Variants in TAF10 observed in about 807,000 individuals in gnomAD.
TAF10 encodes transcription initiation factor TFIID subunit 10.
A neutral mutation model predicts 18.1 loss-of-function variants in TAF10; 2 were observed. The observed-to-expected ratio is 0.11, with a 90% CI of 0.05 to 0.35. The LOEUF (loss-of-function observed/expected upper bound fraction) is 0.35. Ranked by LOEUF, TAF10 falls within the 10% of genes least tolerant of loss-of-function variation. The pLI is 1.00. For synonymous variants in TAF10, 158 were observed against 134.6 expected (o/e 1.17, Z -1.20); for missense variants, 293 against 306.9 (o/e 0.95, Z 0.34).
rs537137677 is a variant in TAF10, at chr11:6,608,517, A to G, written c.*2405T>C. Reference sequence around the variant, plus strand: ...GAGTACTCAGCCCTTAATTCCTGAGATGGGTAGGAAGTAAAGTCTGAGCCT... The same window carrying G: ...GAGTACTCAGCCCTTAATTCCTGAGGTGGGTAGGAAGTAAAGTCTGAGCCT... On this transcript the variant is annotated 3_prime_UTR_variant, in exon 5 of 5. Transcript: ENST00000299424. This position sits in a 1 kb window ranked among gnomAD's most constrained non-coding sequence, Gnocchi z 4.9. 7 of 1,569,484 alleles carry G rather than the reference A, an allele frequency of 4.5e-6. No individual in the cohort carries two copies. In the South Asian group the frequency reaches 7.8e-5, roughly 17 times the overall value.
At position 6,611,237 on chromosome 11, in the gene TAF10, G is replaced by T; in HGVS notation, c.519C>A (p.His173Gln). ...CGGAGGCCGTGCCCTTCATTTTGCA[G>T]TGCTGTAGGGCATCATTGGCAATAT... is the stretch of plus-strand genomic sequence containing the variant. The part of the protein sequence containing the change: ...ISDIANDALQ[H>Q]CKMKGTASGS... Residue 173 changes from histidine to glutamine, a missense_variant, in exon 4 of 5, where the codon CAC becomes CAA. His to Gln is a conservative substitution (Grantham distance 24). Coordinates refer to ENST00000299424, the MANE Select transcript of TAF10 (RefSeq NM_006284.4). 6.2e-7 allele frequency: 1 copy of T among 1,614,132 alleles called. No individual in the cohort carries two copies. Among genetic ancestry groups the T allele is most frequent in the Non-Finnish European group, 8.5e-7 (1 of 1,180,040 alleles).
chr11:6,608,319 T>A lies in TAF10; in HGVS notation c.*2603A>T. The A allele has an allele frequency of 6.4e-7, 1 of 1,570,180 alleles. No individual in the cohort carries two copies. The highest frequency in any genetic ancestry group is 1.1e-5 in the South Asian group (1 of 90,214). ...ATGTGTGCTCTTCCCCCTTTTCCCATGCCCTGACACCAGTATCTCATTTGG... is the reference window on the plus strand; with the variant it reads ...ATGTGTGCTCTTCCCCCTTTTCCCAAGCCCTGACACCAGTATCTCATTTGG... On this transcript the variant is annotated 3_prime_UTR_variant, in exon 5 of 5. Transcript: ENST00000299424. This position sits in a 1 kb window ranked among gnomAD's most constrained non-coding sequence, Gnocchi z 4.9.
chr11:6,612,097 G>A lies in TAF10; in HGVS notation c.93C>T (p.Ala31=). Reference sequence around the variant, plus strand: ...CCGCGGCGGTGCTGGAGGGCAGCGCGGCGGGAGCCGAGACCGGGGGCGCGG... The same window carrying A: ...CCGCGGCGGTGCTGGAGGGCAGCGCAGCGGGAGCCGAGACCGGGGGCGCGG... ...PGPAPPVSAP[A]ALPSSTAAEN... Residue 31 remains alanine, a synonymous_variant, in exon 1 of 5, where the codon GCC becomes GCT. Coordinates refer to ENST00000299424, the MANE Select transcript of TAF10 (RefSeq NM_006284.4). 1 of 1,227,858 alleles carries A rather than the reference G, an allele frequency of 8.1e-7. No individual in the cohort carries two copies. 76.1% of individuals were successfully genotyped at this position (1,227,858 alleles called of 1,614,324 possible).
In TAF10 at chr11:6,609,958, G is replaced by A. The variant is rs566678782; in HGVS notation, c.*964C>T. 13 of 1,614,126 alleles carry A rather than the reference G, an allele frequency of 8.1e-6. No homozygotes were observed. Among genetic ancestry groups the A allele is most frequent in the South Asian group, 4.4e-5 (4 of 91,084 alleles). ...CAGATTGATGAGGACATGACTGCCCGAATTAGCATGGCTGATGTCAAGTTC... is the reference window on the plus strand; with the variant it reads ...CAGATTGATGAGGACATGACTGCCCAAATTAGCATGGCTGATGTCAAGTTC... On this transcript the variant is annotated 3_prime_UTR_variant, in exon 5 of 5. Transcript: ENST00000299424.
Position 6,611,787 on chromosome 11 carries a change from C to G in TAF10, c.264G>C (p.Pro88=), listed in dbSNP as rs778360955. The G allele has an allele frequency of 8.7e-6, 14 of 1,600,074 alleles. No individual in the cohort carries two copies. Among genetic ancestry groups the G allele is most frequent in the African/African-American group, 1.3e-5 (1 of 74,758 alleles). The part of the protein sequence containing the change: ...APVSAGGAAP[P]EGAISNGVYV... Reference sequence around the variant, plus strand: ...AAACCCCGTTAGATATGGCCCCCTCCGGGGGCGCCGCGCCACCCGCCGACA... The same window carrying G: ...AAACCCCGTTAGATATGGCCCCCTCGGGGGGCGCCGCGCCACCCGCCGACA... Residue 88 remains proline (P), a synonymous_variant, in exon 2 of 5, where the codon CCG becomes CCC. Coordinates refer to ENST00000299424, the MANE Select transcript of TAF10 (RefSeq NM_006284.4).
chr11:6,611,513 G>A, intron 2 of TAF10, 61 bp from the exon 3 acceptor site: 1 of 1,604,402 alleles, frequency 6.2e-7, no homozygotes, highest in Non-Finnish European at 8.5e-7. Flanking sequence ...AAATGGATAG[G>A]CCTGATTATC....
rs1051899332 is a variant in TAF10, at chr11:6,610,426, C to T, written c.*496G>A. Reference sequence around the variant, plus strand: ...GTGGCTTCTCTCTACATGACAGACTCAAATTGTGAGGCTGCTTTTTTTCTT... The same window carrying T: ...GTGGCTTCTCTCTACATGACAGACTTAAATTGTGAGGCTGCTTTTTTTCTT... On this transcript the variant is annotated 3_prime_UTR_variant, in exon 5 of 5. Coordinates refer to ENST00000299424, the MANE Select transcript of TAF10 (RefSeq NM_006284.4). 1.2e-6 allele frequency: 2 copies of T among 1,613,992 alleles called. No homozygotes were observed. Among genetic ancestry groups the T allele is most frequent in the Admixed American group, 1.7e-5 (1 of 60,010 alleles).
At position 6,608,652 on chromosome 11, in the gene TAF10, G is replaced by A. The variant is rs146038984; in HGVS notation, c.*2270C>T. The A allele has an allele frequency of 4.2e-3, 6,376 of 1,512,004 alleles. 22 individuals carry two copies. The highest frequency in any genetic ancestry group is 5.3e-3 in the Non-Finnish European group (5,752 of 1,086,620). 93.7% of individuals were successfully genotyped at this position (1,512,004 alleles called of 1,614,324 possible). A position where few individuals can be genotyped will look rare whatever the true frequency, so the allele number is the denominator to read the frequency against. ...CATGGTTGGTTCAGTGACTGCCAGC[G>A]AGGTAGCAGTGGCTCTCATCATAAT... On this transcript the variant is annotated 3_prime_UTR_variant, in exon 5 of 5. Coordinates refer to ENST00000299424, the MANE Select transcript of TAF10 (RefSeq NM_006284.4). The surrounding 1 kb of genome is among the most constrained non-coding windows in gnomAD (Gnocchi z 4.9).
At chr11:6,611,840 G>A (rs752106411) in intron 1 of TAF10, 22 bp from the exon 2 acceptor site, 1 of 1,599,362 alleles carries the variant, frequency 6.3e-7, no homozygotes, top group South Asian at 1.1e-5. Context: ...CCAGCAAAAT[G>A]AGACACAGAG....
At position 6,608,876 on chromosome 11, in the gene TAF10, T is replaced by G. The variant is rs1402942494; in HGVS notation, c.*2046A>C. The G allele has an allele frequency of 6.2e-7, 1 of 1,614,058 alleles. No individual in the cohort carries two copies. The highest frequency in any genetic ancestry group is 8.5e-7 in the Non-Finnish European group (1 of 1,180,002). ...TGTACCACAGCTTAGGTTGTTTTTC[T>G]TCCCTAGAGCGGGCAGAGAAGATGG... On this transcript the variant is annotated 3_prime_UTR_variant, in exon 5 of 5. Coordinates refer to ENST00000299424, the MANE Select transcript of TAF10 (RefSeq NM_006284.4). This position sits in a 1 kb window ranked among gnomAD's most constrained non-coding sequence, Gnocchi z 4.9.
At position 6,608,929 on chromosome 11, in the gene TAF10, A is replaced by T. The variant is rs754728057; in HGVS notation, c.*1993T>A. 1 of 1,614,218 alleles carries T rather than the reference A, an allele frequency of 6.2e-7. No homozygotes were observed. The highest frequency in any genetic ancestry group is 8.5e-7 in the Non-Finnish European group (1 of 1,180,040). ...CAGAATCTCAACCGTATTCCATACA[A>T]GGACACATTCTGGAAGGGGACCACC... On this transcript the variant is annotated 3_prime_UTR_variant, in exon 5 of 5. Coordinates refer to ENST00000299424, the MANE Select transcript of TAF10 (RefSeq NM_006284.4). The surrounding 1 kb of genome is among the most constrained non-coding windows in gnomAD (Gnocchi z 4.9).
At position 6,609,899 on chromosome 11, in the gene TAF10, A is replaced by G; in HGVS notation, c.*1023T>C. The G allele has an allele frequency of 1.9e-6, 3 of 1,614,172 alleles. No individual in the cohort carries two copies. Among genetic ancestry groups the G allele is most frequent in the Admixed American group, 1.7e-5 (1 of 60,030 alleles). ...GGCCCCAAAAGCCCTTTGCCTATCT[A>G]TGACTTACCTCCTTCTATCTGTTTT... On this transcript the variant is annotated 3_prime_UTR_variant, in exon 5 of 5. Transcript: ENST00000299424.
rs1855395542 is a variant in TAF10, at chr11:6,610,457, CGCAGGTGGCATTGG to C, written c.*451_*464del. ...GTGAGGCTGCTTTTTTTCTTGTATT[CGCAGGTGGCATTGG>C]AAGGCCTTCGGCCTACCATCCCACC... On this transcript the variant is annotated 3_prime_UTR_variant, in exon 5 of 5. Coordinates refer to ENST00000299424, the MANE Select transcript of TAF10 (RefSeq NM_006284.4). The C allele has an allele frequency of 6.2e-7, 1 of 1,614,032 alleles. No homozygotes were observed. Among genetic ancestry groups the C allele is most frequent in the South Asian group, 1.1e-5 (1 of 91,080 alleles).
In TAF10 at chr11:6,608,489, G is replaced by A; in HGVS notation, c.*2433C>T. 6.2e-7 allele frequency: 1 copy of A among 1,611,578 alleles called. No individual in the cohort carries two copies. The highest frequency in any genetic ancestry group is 8.5e-7 in the Non-Finnish European group (1 of 1,177,642). ...TTTGGGGCCAAGATCAAGTGGCAGA[G>A]GTGAGTACTCAGCCCTTAATTCCTG... On this transcript the variant is annotated 3_prime_UTR_variant, in exon 5 of 5. Transcript: ENST00000299424. This position sits in a 1 kb window ranked among gnomAD's most constrained non-coding sequence, Gnocchi z 4.9.
At position 6,610,469 on chromosome 11, in the gene TAF10, T is replaced by C. The variant is rs1244639583; in HGVS notation, c.*453A>G. On this transcript the variant is annotated 3_prime_UTR_variant, in exon 5 of 5. Transcript: ENST00000299424. Reference sequence around the variant, plus strand: ...TTTTTCTTGTATTCGCAGGTGGCATTGGAAGGCCTTCGGCCTACCATCCCA... The same window carrying C: ...TTTTTCTTGTATTCGCAGGTGGCATCGGAAGGCCTTCGGCCTACCATCCCA... The C allele has an allele frequency of 6.2e-7, 1 of 1,614,250 alleles. No homozygotes were observed. The highest frequency in any genetic ancestry group is 8.5e-7 in the Non-Finnish European group (1 of 1,180,044).
Position 6,610,092 on chromosome 11 carries a change from G to A in TAF10, c.*830C>T. ...AAGGACCACCTCAGAAGTAGTGGAAGGGGGCAGAGACAGGACAGGCAAGGG... is the reference window on the plus strand; with the variant it reads ...AAGGACCACCTCAGAAGTAGTGGAAAGGGGCAGAGACAGGACAGGCAAGGG... On this transcript the variant is annotated 3_prime_UTR_variant, in exon 5 of 5. Transcript: ENST00000299424. 1.9e-6 allele frequency: 3 copies of A among 1,614,174 alleles called. No individual in the cohort carries two copies. The highest frequency in any genetic ancestry group is 2.5e-6 in the Non-Finnish European group (3 of 1,180,032).
chr11:6,610,757 C>G lies in TAF10; in HGVS notation c.*165G>C, dbSNP rs993878543. On this transcript the variant is annotated 3_prime_UTR_variant, in exon 5 of 5. Coordinates refer to ENST00000299424, the MANE Select transcript of TAF10 (RefSeq NM_006284.4). The stretch of plus-strand genomic sequence containing the variant: ...ATGGGGTCCATCCCCTTCCCCCATC[C>G]CTACCACTGTGGCCCCAAGAGGGGC... The G allele has an allele frequency of 2.2e-6, 3 of 1,336,030 alleles. No homozygotes were observed. The African/African-American group carries it at 4.3e-5, about 19-fold the overall frequency. The allele number at this position is 1,336,030 out of a possible 1,614,324, so 82.8% of individuals were successfully genotyped here.
In TAF10 at chr11:6,608,323, C is replaced by T; in HGVS notation, c.*2599G>A. On this transcript the variant is annotated 3_prime_UTR_variant, in exon 5 of 5. Coordinates refer to ENST00000299424, the MANE Select transcript of TAF10 (RefSeq NM_006284.4). This position sits in a 1 kb window ranked among gnomAD's most constrained non-coding sequence, Gnocchi z 4.9. ...GTGCTCTTCCCCCTTTTCCCATGCC[C>T]TGACACCAGTATCTCATTTGGAACT... 1.3e-6 allele frequency: 2 copies of T among 1,572,100 alleles called. No individual in the cohort carries two copies. Among genetic ancestry groups the T allele is most frequent in the Non-Finnish European group, 1.8e-6 (2 of 1,141,946 alleles).
At position 6,607,622 on chromosome 11, in the gene TAF10, A is replaced by G. The variant is rs529833593; in HGVS notation, c.*3300T>C. On this transcript the variant is annotated 3_prime_UTR_variant, in exon 5 of 5. Coordinates refer to ENST00000299424, the MANE Select transcript of TAF10 (RefSeq NM_006284.4). ...CAGCTGCTGTCAATCCATTCCCTCA[A>G]GAAACTTAAAGGTCTAACAGACAAG... The G allele has an allele frequency of 3.9e-6, 1 of 259,398 alleles. No homozygotes were observed. Among genetic ancestry groups the G allele is most frequent in the African/African-American group, 2.2e-5 (1 of 44,866 alleles). The allele number at this position is 259,398 out of a possible 1,614,324, so 16.1% of individuals were successfully genotyped here.
Sources: allele counts gnomAD v4.1 joint callset, GRCh38; gene constraint gnomAD v4.1.1; non-coding constraint Gnocchi (gnomAD v3.1); transcripts MANE v1.5; gene names NCBI Gene and HGNC (gene_info 2026-07-23, HGNC 2026-07-21).